ADAMTS12: variants seen among roughly 807,000 people sequenced by gnomAD.
ADAMTS12 encodes ADAM metallopeptidase with thrombospondin type 1 motif 12.
Under a neutral mutation model 167.8 loss-of-function variants are expected in ADAMTS12, and 118 were observed. That is an observed-to-expected ratio of 0.70 (90% CI 0.61 to 0.82). The LOEUF is 0.82. Ranked by LOEUF, ADAMTS12 falls within the 40% of genes least tolerant of loss-of-function variation. The pLI is 0.00. For synonymous variants in ADAMTS12, 704 were observed against 716.9 expected (o/e 0.98, Z 0.29); for missense variants, 1,916 against 1,998.8 (o/e 0.96, Z 0.79).
At chr5:33,633,940 C>T (rs946691871) in intron 12 of ADAMTS12, among the ~76,000 whole-genome samples, 1 of 152,176 alleles carries the variant, frequency 6.6e-6, no homozygotes, top group African/African-American at 2.4e-5. Flanking sequence ...TTCACCTAAG[C>T]AAAAGCTCTA....
rs181428944 is a variant in ADAMTS12, at chr5:33,864,964, C to T, written c.489+16155G>A. Among the ~76,000 whole-genome samples the T allele has an allele frequency of 5.4e-4, 82 of 151,654 alleles. No individual in the cohort carries two copies. In the Middle Eastern group the frequency reaches 0.01, roughly 19 times the overall value. On this transcript the variant is annotated intron_variant, in intron 2 of 23. Coordinates refer to ENST00000504830, the MANE Select transcript of ADAMTS12 (RefSeq NM_030955.4). ...GTAACAAACCTGCACATTCTGCACA[C>T]GTATCCCAGAACTTAAAGTATTAAA...
chr5:33,793,921 C>A (rs906507332), intron 2 of ADAMTS12, among the ~76,000 whole-genome samples: 1 of 152,178 alleles, frequency 6.6e-6, no homozygotes, highest in African/African-American at 2.4e-5. Context: ...TTGCACTCTC[C>A]CGCAAGTTCT....
intron 19 of ADAMTS12, among the ~76,000 whole-genome samples, chr5:33,575,053 C>A (rs532158411): frequency 2.0e-5 from 3 of 152,198 alleles, no homozygotes; most frequent in Admixed American, 1.3e-4. Context: ...AATGAAAAGA[C>A]AAATACCTAG....
intron 3 of ADAMTS12, among the ~76,000 whole-genome samples, chr5:33,730,805 C>T (rs1004303138): frequency 1.2e-4 from 18 of 152,302 alleles, no homozygotes; most frequent in Admixed American, 9.2e-4. Flanking sequence ...GACAGGCAAC[C>T]CTTTGCATGG....
At chr5:33,651,045 A>G (rs1358246864) in intron 7 of ADAMTS12, among the ~76,000 whole-genome samples, 2 of 152,222 alleles carry the variant, frequency 1.3e-5, no homozygotes, top group African/African-American at 4.8e-5. Flanking sequence ...AACTCTAATC[A>G]CATTCCACAT....
At chr5:33,587,002 G>A (rs1356084682) in intron 18 of ADAMTS12, among the ~76,000 whole-genome samples, 6 of 150,242 alleles carry the variant, frequency 4.0e-5, no homozygotes, top group African/African-American at 1.5e-4. Context: ...TCTCCCACTG[G>A]ATGGAAGTTC....
chr5:33,880,360 G>GT (rs1450073596), intron 2 of ADAMTS12, among the ~76,000 whole-genome samples: 2 of 152,184 alleles, frequency 1.3e-5, no homozygotes, highest in East Asian at 3.8e-4. Context: ...TCACAATTAA[G>GT]TGTCAGTAAA....
intron 20 of ADAMTS12, 102 bp downstream of exon 20, chr5:33,560,925 A>C (rs932118617): frequency 1.4e-6 from 1 of 731,828 alleles, no homozygotes; most frequent in Admixed American, 8.0e-5. Flanking sequence ...AAGAAAAAGA[A>C]AAAAAAAAAA....
intron 2 of ADAMTS12, among the ~76,000 whole-genome samples, chr5:33,796,365 A>G (rs1328734495): frequency 6.6e-6 from 1 of 152,234 alleles, no homozygotes; most frequent in African/African-American, 2.4e-5. Context: ...CATGAAAAGC[A>G]CCAAATTACA....
intron 3 of ADAMTS12, among the ~76,000 whole-genome samples, chr5:33,699,245 C>G (rs1468748199): frequency 1.3e-5 from 2 of 151,874 alleles, no homozygotes; most frequent in African/African-American, 4.8e-5. Context: ...ACAGAGAACT[C>G]AGAAATAGAC....
At chr5:33,700,123 G>T (rs2112295774) in intron 3 of ADAMTS12, among the ~76,000 whole-genome samples, 1 of 152,296 alleles carries the variant, frequency 6.6e-6, no homozygotes, top group African/African-American at 2.4e-5. Context: ...TACCCACTCT[G>T]TTTTAACAAA....
intron 19 of ADAMTS12, among the ~76,000 whole-genome samples, chr5:33,567,322 C>T (rs192625320): frequency 6.6e-6 from 1 of 152,280 alleles, no homozygotes; most frequent in East Asian, 1.9e-4. Flanking sequence ...TTGCCATTAA[C>T]TAAATATCAA....
intron 3 of ADAMTS12, among the ~76,000 whole-genome samples, chr5:33,725,394 C>T (rs916546933): frequency 2.0e-5 from 3 of 152,168 alleles, no homozygotes; most frequent in African/African-American, 7.2e-5. Flanking sequence ...CCTCCCCTGC[C>T]TGATCATCTC....
intron 1 of ADAMTS12, among the ~76,000 whole-genome samples, chr5:33,882,610 A>C (rs1336912436): frequency 6.6e-6 from 1 of 151,834 alleles, no homozygotes; most frequent in Non-Finnish European, 1.5e-5. Context: ...TTGTTTTTTG[A>C]GACAGATTTT....
intron 2 of ADAMTS12, among the ~76,000 whole-genome samples, chr5:33,761,336 T>C (rs1282251874): frequency 6.6e-6 from 1 of 152,236 alleles, no homozygotes; most frequent in Non-Finnish European, 1.5e-5. Flanking sequence ...GCTGTTGCTG[T>C]GGCCACACGG....
chr5:33,722,978 CAG>C lies in ADAMTS12; in HGVS notation c.634+28424_634+28425del, dbSNP rs1352982788. ...ACAGACCCTGGAAGCCCAAGAAAAG[CAG>C]AGAGAGTGGGTATGAGGATGGGGAA... On this transcript the variant is annotated intron_variant, in intron 3 of 23. Transcript: ENST00000504830. Among the ~76,000 whole-genome samples the C allele has an allele frequency of 3.9e-5, 6 of 152,116 alleles. No homozygotes were observed. The South Asian group carries it at 6.2e-4, about 16-fold the overall frequency.
At chr5:33,734,984 G>A (rs1450842956) in intron 3 of ADAMTS12, among the ~76,000 whole-genome samples, 1 of 152,212 alleles carries the variant, frequency 6.6e-6, no homozygotes, top group African/African-American at 2.4e-5. Flanking sequence ...AATTTCAGAT[G>A]TCTGGTAAAG....
At chr5:33,763,010 G>A (rs1745409174) in intron 2 of ADAMTS12, among the ~76,000 whole-genome samples, 1 of 152,168 alleles carries the variant, frequency 6.6e-6, no homozygotes, top group African/African-American at 2.4e-5. Flanking sequence ...AGCTGATATT[G>A]TGAAAAGCAA....
In ADAMTS12 at chr5:33,576,682, G is replaced by A. The variant is rs149776016; in HGVS notation, c.3344C>T (p.Ser1115Leu). The A allele has an allele frequency of 3.3e-5, 53 of 1,614,190 alleles. No homozygotes were observed. The Middle Eastern group carries it at 6.6e-4, about 20-fold the overall frequency. Reference protein sequence around the residue: ...NVSSSDTGPTSEGGLVATTTS... With the variant: ...NVSSSDTGPTLEGGLVATTTS... ...TGTTGTAGCTACAAGGCCTCCCTCC[G>A]AGGTAGGACCAGTATCTGAACTGGA... The change falls in exon 19 of 24, where the codon TCG becomes TTG. Residue 1115 changes from serine to leucine, a missense_variant. By Grantham distance (145) the Ser-to-Leu change is moderately radical. Transcript: ENST00000504830.
Sources: allele counts gnomAD v4.1 joint callset (sites outside exome capture counted in the v4.1 genomes callset), GRCh38; gene constraint gnomAD v4.1.1; transcripts MANE v1.5; gene names NCBI Gene and HGNC (gene_info 2026-07-23, HGNC 2026-07-21).